Variants in IMMP2L observed in about 807,000 individuals in gnomAD.
IMMP2L encodes the protein inner mitochondrial membrane peptidase subunit 2, also known as mitochondrial inner membrane protease subunit 2.
IMMP2L carries 18 observed loss-of-function variants against 19.3 expected under a neutral mutation model. The observed-to-expected ratio is 0.93, with a 90% CI of 0.64 to 1.38. IMMP2L has a LOEUF of 1.38. IMMP2L is among the 40% of genes most tolerant of loss of function. IMMP2L has a pLI of 0.00. For synonymous variants in IMMP2L, 76 were observed against 73.0 expected, an observed-to-expected ratio of 1.04 and a Z score of -0.21; for missense variants, 233 against 218.2, an observed-to-expected ratio of 1.07 and a Z score of -0.43.
intron 5 of IMMP2L, among the ~76,000 whole-genome samples, chr7:110,669,106 T>TAGAGAG (rs1294902082): frequency 3.5e-5 from 5 of 143,662 alleles, no homozygotes; most frequent in African/African-American, 1.3e-4. Context: ...TATATATATA[T>TAGAGAG]ATAGAGAGAG....
At chr7:111,202,976 A>G (rs547665347) in intron 3 of IMMP2L, among the ~76,000 whole-genome samples, 1 of 152,280 alleles carries the variant, frequency 6.6e-6, no homozygotes, top group South Asian at 2.1e-4. Context: ...CTAAACTATA[A>G]ACATTAATGG....
chr7:111,533,734 A>G (rs988866177), intron 1 of IMMP2L, among the ~76,000 whole-genome samples: 1 of 152,138 alleles, frequency 6.6e-6, no homozygotes, highest in Non-Finnish European at 1.5e-5. Flanking sequence ...TATATGTAAT[A>G]AATAGAAATA....
chr7:111,378,222 T>G (rs1188000374), intron 3 of IMMP2L, among the ~76,000 whole-genome samples: 2 of 152,144 alleles, frequency 1.3e-5, no homozygotes, highest in African/African-American at 4.8e-5. Context: ...CTTATACCAG[T>G]TGAAGCCATG....
chr7:111,519,051 T>C (rs1010243500), intron 2 of IMMP2L, among the ~76,000 whole-genome samples: 3 of 152,144 alleles, frequency 2.0e-5, no homozygotes, highest in Non-Finnish European at 4.4e-5. Flanking sequence ...AAAGTTGATC[T>C]GTATAGTTGT....
chr7:110,737,614 A>T (rs1796724340), intron 5 of IMMP2L, among the ~76,000 whole-genome samples: 1 of 152,112 alleles, frequency 6.6e-6, no homozygotes, highest in African/African-American at 2.4e-5. Context: ...AAAGGTCATA[A>T]TCCCTTGGGA....
chr7:111,020,950 T>G (rs1826214413), intron 3 of IMMP2L, among the ~76,000 whole-genome samples: 1 of 152,236 alleles, frequency 6.6e-6, no homozygotes, highest in Non-Finnish European at 1.5e-5. Flanking sequence ...AGGTATTTCT[T>G]AAATTCCTGC....
At chr7:111,079,660 T>C (rs898606423) in intron 3 of IMMP2L, among the ~76,000 whole-genome samples, 1 of 152,202 alleles carries the variant, frequency 6.6e-6, no homozygotes, top group Non-Finnish European at 1.5e-5. Flanking sequence ...CTCCTAACTT[T>C]ATGATTATAC....
Position 111,080,509 on chromosome 7 carries a change from A to AGT in IMMP2L, c.240-116945_240-116944insAC, listed in dbSNP as rs1795800732. 2.0e-5 allele frequency among the ~76,000 whole-genome samples: 3 copies of AGT among 151,030 alleles called. No homozygotes were observed. The South Asian group carries it at 6.3e-4, about 31-fold the overall frequency. The stretch of plus-strand genomic sequence containing the variant: ...TATATATTATGTGTGTATAATATAT[A>AGT]ATGTGTGTATAATATATATTACATA... On this transcript the variant is annotated intron_variant, in intron 3 of 5. Transcript: ENST00000405709.
chr7:110,789,690 C>G (rs1027875477), intron 5 of IMMP2L, among the ~76,000 whole-genome samples: 1 of 151,668 alleles, frequency 6.6e-6, no homozygotes, highest in South Asian at 2.1e-4. Context: ...GCCCTTCATC[C>G]TCTGAGCCTC....
At chr7:111,078,001 C>CAATTTAATATTA (rs1739777093) in intron 3 of IMMP2L, among the ~76,000 whole-genome samples, 11 of 152,182 alleles carry the variant, frequency 7.2e-5, no homozygotes, top group Admixed American at 6.5e-4. Flanking sequence ...TTTAATACTG[C>CAATTTAATATTA]ATGTTAATAA....
intron 3 of IMMP2L, among the ~76,000 whole-genome samples, chr7:111,394,062 TTGA>T (rs1449699320): frequency 2.0e-5 from 3 of 152,288 alleles, no homozygotes; most frequent in Admixed American, 6.5e-5. Flanking sequence ...ACATATTTCA[TTGA>T]TGATAATATA....
chr7:111,264,300 G>A (rs964285583), intron 3 of IMMP2L, among the ~76,000 whole-genome samples: 1 of 152,044 alleles, frequency 6.6e-6, no homozygotes, highest in Non-Finnish European at 1.5e-5. Context: ...TGGATTAAAG[G>A]GCCTCCTCTG....
chr7:110,952,721 T>C (rs1817959773), intron 4 of IMMP2L, among the ~76,000 whole-genome samples: 1 of 152,156 alleles, frequency 6.6e-6, no homozygotes, highest in East Asian at 1.9e-4. Context: ...ATTCTTCCTA[T>C]TTAAGCTAAG....
chr7:110,797,162 A>G (rs1344397427), intron 5 of IMMP2L, among the ~76,000 whole-genome samples: 3 of 151,970 alleles, frequency 2.0e-5, no homozygotes, highest in South Asian at 4.1e-4. Flanking sequence ...CTCAGGAAGC[A>G]ACAGTTCTGT....
chr7:110,755,396 T>C (rs1341443949), intron 5 of IMMP2L, among the ~76,000 whole-genome samples: 1 of 152,142 alleles, frequency 6.6e-6, no homozygotes, highest in Non-Finnish European at 1.5e-5. Flanking sequence ...AAAATACTGT[T>C]TAAAATACTT....
intron 3 of IMMP2L, among the ~76,000 whole-genome samples, chr7:111,071,979 G>A (rs1374714617): frequency 6.6e-6 from 1 of 151,946 alleles, no homozygotes; most frequent in Non-Finnish European, 1.5e-5. Flanking sequence ...AAAAAATGAG[G>A]GGTCATGACA....
intron 3 of IMMP2L, among the ~76,000 whole-genome samples, chr7:111,395,637 C>T (rs891695116): frequency 1.3e-5 from 2 of 152,080 alleles, no homozygotes; most frequent in Admixed American, 6.6e-5. Flanking sequence ...TTTTGCCTTT[C>T]GCCCATTTAA....
At chr7:111,389,238 A>T (rs1293300417) in intron 3 of IMMP2L, among the ~76,000 whole-genome samples, 1 of 152,164 alleles carries the variant, frequency 6.6e-6, no homozygotes, top group Non-Finnish European at 1.5e-5. Flanking sequence ...ACTCTTCAGA[A>T]ATGTCAAAAT....
chr7:111,112,066 G>A (rs1349103848), intron 3 of IMMP2L, among the ~76,000 whole-genome samples: 1 of 148,684 alleles, frequency 6.7e-6, no homozygotes, highest in Non-Finnish European at 1.5e-5. Context: ...TCCTGTCTCA[G>A]CCTCCCGAGT....
Sources: gnomAD v4.1 joint callset for allele counts (sites outside exome capture counted in the v4.1 genomes callset) on GRCh38, gnomAD v4.1.1 for gene constraint, MANE v1.5 for transcripts, NCBI Gene and HGNC (gene_info 2026-07-23, HGNC 2026-07-21) for gene names.